The following ARIH2 variants were observed in gnomAD, a reference collection of about 807,000 sequenced individuals.
ARIH2 encodes the protein E3 ubiquitin-protein ligase ARIH2.
Under a neutral mutation model 79.8 loss-of-function variants are expected in ARIH2, and 12 were observed. That is an observed-to-expected ratio of 0.15 (90% CI 0.10 to 0.24). The LOEUF is 0.24. ARIH2 is among the 10% of genes least tolerant of loss of function. The probability of loss-of-function intolerance (pLI) is 1.00; values close to 1 mark genes in which losing one functional copy is unlikely to be tolerated. For missense variants in ARIH2, 301 were observed against 618.3 expected (o/e 0.49, Z 5.44); for synonymous variants, 224 against 213.9 (o/e 1.05, Z -0.41).
intron 8 of ARIH2, among the ~76,000 whole-genome samples, chr3:48,971,769 C>G (rs983687351): frequency 6.6e-6 from 1 of 152,170 alleles, no homozygotes; most frequent in African/African-American, 2.4e-5. Flanking sequence ...GTGGTTCTTT[C>G]ATTTTAAATC....
At position 48,980,335 on chromosome 3, in the gene ARIH2, T is replaced by C. The variant is rs7429660; in HGVS notation, c.1114-18T>C. On this transcript the variant is annotated intron_variant, in intron 12 of 15. Transcript: ENST00000356401. ...TCATGGGACTCCTGTGGTTTTCTTC[T>C]TCTTCTGTGCCCTGTAGTGGGAAAA... The C allele has an allele frequency of 1.2e-6, 2 of 1,610,926 alleles. No individual in the cohort carries two copies. The highest frequency in any genetic ancestry group is 1.7e-6 in the Non-Finnish European group (2 of 1,179,190).
chr3:48,936,508 C>T lies in ARIH2; in HGVS notation c.255+8695C>T, dbSNP rs144556540. ...CAGTACTTTGGGAGGCCAAGGCAGG[C>T]GGATCACCTGAGGTCAGGAGTTCAA... On this transcript the variant is annotated intron_variant, in intron 3 of 15. Coordinates refer to ENST00000356401, the MANE Select transcript of ARIH2 (RefSeq NM_006321.4). 5.9e-3 allele frequency among the ~76,000 whole-genome samples: 905 copies of T among 152,234 alleles called. 5 individuals carry two copies. The highest frequency in any genetic ancestry group is 0.021 in the African/African-American group (875 of 41,532).
intron 14 of ARIH2, among the ~76,000 whole-genome samples, chr3:48,981,967 G>A (rs1326157041): frequency 6.6e-6 from 1 of 152,174 alleles, no homozygotes; most frequent in East Asian, 1.9e-4. Flanking sequence ...TATTTAAAGG[G>A]CGATTGGCTA....
At chr3:48,922,402 G>T (rs1215606261) in intron 1 of ARIH2, 2 of 151,444 alleles carry the variant, frequency 1.3e-5, no homozygotes, top group Non-Finnish European at 2.9e-5. Context: ...CTCCCTGGTT[G>T]GAGTGATTCT....
At chr3:48,979,066 A>G (rs886603353) in intron 11 of ARIH2, among the ~76,000 whole-genome samples, 2 of 152,178 alleles carry the variant, frequency 1.3e-5, no homozygotes, top group South Asian at 4.1e-4. Context: ...TTCTAGGACA[A>G]GTGTGAGGGT....
intron 7 of ARIH2, among the ~76,000 whole-genome samples, chr3:48,968,886 C>T (rs935382154): frequency 6.6e-6 from 1 of 152,070 alleles, no homozygotes; most frequent in Non-Finnish European, 1.5e-5. Context: ...TCTTTGTGAC[C>T]ACTCTTTTTT....
chr3:48,981,871 T>C, intron 14 of ARIH2, 143 bp downstream of exon 14: 1 of 627,874 alleles, frequency 1.6e-6, no homozygotes, highest in South Asian at 1.9e-5. Flanking sequence ...AAATTCCACT[T>C]CTGCTCTGGG....
chr3:48,935,409 A>G (rs2086971089), intron 3 of ARIH2, among the ~76,000 whole-genome samples: 1 of 152,174 alleles, frequency 6.6e-6, no homozygotes, highest in South Asian at 2.1e-4. Context: ...TTGTTTTTGA[A>G]CTGTAATTTG....
intron 6 of ARIH2, 156 bp downstream of exon 6, chr3:48,967,431 G>A (rs921328349): frequency 3.3e-5 from 28 of 858,144 alleles, no homozygotes; most frequent in Non-Finnish European, 4.5e-5. Flanking sequence ...CATACAAACA[G>A]TGACAAAGTT....
chr3:48,940,808 A>AAAATATATAT (rs759369585), intron 3 of ARIH2, among the ~76,000 whole-genome samples: 13 of 98,068 alleles, frequency 1.3e-4, no homozygotes, highest in South Asian at 7.0e-4. Context: ...AAAAAAAAAA[A>AAAATATATAT]ATATATATAT....
intron 3 of ARIH2, among the ~76,000 whole-genome samples, chr3:48,936,079 T>G (rs971039445): frequency 6.6e-6 from 1 of 152,212 alleles, no homozygotes; most frequent in Non-Finnish European, 1.5e-5. Flanking sequence ...TATTTGTGGT[T>G]GACTGCAATG....
At chr3:48,955,062 G>A (rs983959210) in intron 3 of ARIH2, among the ~76,000 whole-genome samples, 1 of 152,172 alleles carries the variant, frequency 6.6e-6, no homozygotes, top group Non-Finnish European at 1.5e-5. Flanking sequence ...GCTGGGCGTG[G>A]TGTTGAGTGC....
chr3:48,952,658 A>C lies in ARIH2; in HGVS notation c.256-8954A>C, dbSNP rs530445903. Reference sequence around the variant, plus strand: ...GTTAAGGAAGAGTGAGACGTGGAGGAAAAGGCCAACAGTCCTACCTTGAGA... The same window carrying C: ...GTTAAGGAAGAGTGAGACGTGGAGGCAAAGGCCAACAGTCCTACCTTGAGA... On this transcript the variant is annotated intron_variant, in intron 3 of 15. Coordinates refer to ENST00000356401, the MANE Select transcript of ARIH2 (RefSeq NM_006321.4). Among the ~76,000 whole-genome samples, 23 of 152,248 alleles carry C rather than the reference A, an allele frequency of 1.5e-4. 1 individual carries two copies. The highest frequency in any genetic ancestry group is 1.4e-3 in the Admixed American group (21 of 15,280).
chr3:48,952,706 C>G (rs939288656), intron 3 of ARIH2, among the ~76,000 whole-genome samples: 2 of 152,086 alleles, frequency 1.3e-5, no homozygotes, highest in African/African-American at 2.4e-5. Context: ...TGGTGCCCCC[C>G]ACTGGCAAGA....
intron 13 of ARIH2, 33 bp from the exon 14 acceptor site, chr3:48,981,627 G>A: frequency 6.3e-7 from 1 of 1,589,324 alleles, no homozygotes; most frequent in South Asian, 1.1e-5. Context: ...TAGAATCACA[G>A]ACACAGGTTC....
At chr3:48,964,305 C>A (rs1377173142) in intron 4 of ARIH2, among the ~76,000 whole-genome samples, 1 of 150,134 alleles carries the variant, frequency 6.7e-6, no homozygotes, top group Non-Finnish European at 1.5e-5. Context: ...CTGCGCCCAG[C>A]CATATATATA....
chr3:48,968,428 C>T (rs767045620), intron 6 of ARIH2, 106 bp from the exon 7 acceptor site: 15 of 1,121,114 alleles, frequency 1.3e-5, no homozygotes, highest in Non-Finnish European at 1.7e-5. Flanking sequence ...AGACTGGTCT[C>T]GAACTCCCGA....
intron 3 of ARIH2, among the ~76,000 whole-genome samples, chr3:48,949,308 G>A (rs1173297071): frequency 6.6e-6 from 1 of 151,974 alleles, no homozygotes; most frequent in Non-Finnish European, 1.5e-5. Flanking sequence ...TAGTAGAGTC[G>A]GGGGTTTCAC....
At chr3:48,964,818 A>G (rs1166517372) in intron 4 of ARIH2, 101 bp from the exon 5 acceptor site, 2 of 888,422 alleles carry the variant, frequency 2.3e-6, no homozygotes, top group Non-Finnish European at 3.6e-6. Context: ...GAGAAAGTAG[A>G]GACAAAGATG....
Sources: gnomAD v4.1 joint callset for allele counts (sites outside exome capture counted in the v4.1 genomes callset) on GRCh38, gnomAD v4.1.1 for gene constraint, MANE v1.5 for transcripts, NCBI Gene and HGNC (gene_info 2026-07-23, HGNC 2026-07-21) for gene names.